Variants in RTN3 observed in about 807,000 individuals in gnomAD.
The protein encoded by RTN3 is reticulon 3, also known as reticulon-3.
RTN3 carries 49 observed loss-of-function variants against 77.8 expected under a neutral mutation model. The ratio of observed to expected loss-of-function variants is 0.63; its 90% CI spans 0.50 to 0.80. The LOEUF is 0.80. RTN3 is among the 30% of genes least tolerant of loss of function. RTN3 has a pLI of 0.00. For missense variants in RTN3, 1,236 were observed against 1,211.9 expected (o/e 1.02, Z -0.29); for synonymous variants, 464 against 446.9 (o/e 1.04, Z -0.48).
intron 1 of RTN3, among the ~76,000 whole-genome samples, chr11:63,702,186 A>G (rs1048649638): frequency 1.3e-5 from 2 of 152,050 alleles, no homozygotes; most frequent in African/African-American, 4.8e-5. Flanking sequence ...TTTAGGGACA[A>G]TTTTGGAGGG....
intron 2 of RTN3, chr11:63,714,412 A>C: frequency 6.5e-6 from 1 of 153,346 alleles, no homozygotes. Context: ...AAGTTATAAT[A>C]TTTTTATTAG....
intron 3 of RTN3, among the ~76,000 whole-genome samples, chr11:63,734,155 G>A (rs1362519475): frequency 6.6e-6 from 1 of 152,006 alleles, no homozygotes; most frequent in African/African-American, 2.4e-5. Context: ...CTGAAGATTG[G>A]GTACAATGTT....
intron 3 of RTN3, among the ~76,000 whole-genome samples, chr11:63,742,146 A>AT (rs1480138260): frequency 6.6e-6 from 1 of 150,714 alleles, no homozygotes; most frequent in Non-Finnish European, 1.5e-5. Flanking sequence ...CACCCGGCTA[A>AT]TTTTTTGTAT....
At position 63,735,602 on chromosome 11, in the gene RTN3, T is replaced by TC. The variant is rs1555078117; in HGVS notation, c.2531-14389_2531-14388insC. Among the ~76,000 whole-genome samples the TC allele has an allele frequency of 5.0e-3, 125 of 24,938 alleles. 1 individual carries two copies. The highest frequency in any genetic ancestry group is 0.018 in the Middle Eastern group (1 of 56). The allele number at this position is 24,938 out of a possible 152,430, so 16.4% of individuals were successfully genotyped here. A position where few individuals can be genotyped will look rare whatever the true frequency, so the allele number is the denominator to read the frequency against. ...TCTCTCTCTCTCTCTCTCTCTCTCT[T>TC]TCTTTCAACCCCTGTTTCCTGGGCT... On this transcript the variant is annotated intron_variant, in intron 3 of 8. Transcript: ENST00000377819.
At chr11:63,755,952 G>A (rs1276498911) in intron 7 of RTN3, among the ~76,000 whole-genome samples, 160 bp from the exon 8 acceptor site, 3 of 149,512 alleles carry the variant, frequency 2.0e-5, no homozygotes, top group Admixed American at 6.7e-5. Flanking sequence ...GCGAGGCTCC[G>A]TCTCAAAAAA....
At chr11:63,730,028 G>A (rs575876178) in intron 3 of RTN3, among the ~76,000 whole-genome samples, 4 of 152,136 alleles carry the variant, frequency 2.6e-5, no homozygotes, top group Non-Finnish European at 5.9e-5. Context: ...GTGCAGTGGC[G>A]TGATCTCAGC....
intron 1 of RTN3, among the ~76,000 whole-genome samples, chr11:63,686,833 A>G (rs1941401609): frequency 6.6e-6 from 1 of 152,206 alleles, no homozygotes; most frequent in Non-Finnish European, 1.5e-5. Context: ...CTTGTCTTAA[A>G]AAAAAGAAAA....
At chr11:63,702,527 G>A (rs574310136) in intron 1 of RTN3, among the ~76,000 whole-genome samples, 1 of 151,682 alleles carries the variant, frequency 6.6e-6, no homozygotes, top group South Asian at 2.1e-4. Flanking sequence ...TGTTGGCCAG[G>A]CTGGTCTTGA....
intron 2 of RTN3, among the ~76,000 whole-genome samples, chr11:63,712,177 A>G (rs941537041): frequency 1.3e-5 from 2 of 152,212 alleles, no homozygotes; most frequent in South Asian, 2.1e-4. Context: ...AAAGCTCTAC[A>G]TGAGGATTTT....
chr11:63,720,466 T>C lies in RTN3; in HGVS notation c.1964T>C (p.Ile655Thr), dbSNP rs755475630. The change falls in exon 3 of 9, where the codon ATA (isoleucine) becomes ACA (threonine). Residue 655 changes from isoleucine (I) to threonine (T), a missense_variant. Ile to Thr is a moderately conservative substitution (Grantham distance 89). Around this residue, in one of 3 missense-constraint regions of RTN3, gnomAD observed 1,056 missense variants for 990.4 expected, o/e 1.07. Transcript: ENST00000377819. ...HIDDSSPEDL[I>T]AAFTETRDKG... Reference sequence around the variant, plus strand: ...GATGATTCCTCCCCAGAGGACCTGATAGCAGCCTTTACAGAAACCAGAGAT... The same window carrying C: ...GATGATTCCTCCCCAGAGGACCTGACAGCAGCCTTTACAGAAACCAGAGAT... The C allele has an allele frequency of 9.9e-6, 16 of 1,613,336 alleles. No individual in the cohort carries two copies. The highest frequency in any genetic ancestry group is 1.2e-5 in the Non-Finnish European group (14 of 1,179,738).
intron 4 of RTN3, among the ~76,000 whole-genome samples, chr11:63,750,979 G>A (rs1012226053): frequency 4.6e-5 from 7 of 152,060 alleles, no homozygotes; most frequent in Non-Finnish European, 8.8e-5. Flanking sequence ...TGATCCACCC[G>A]CCTCTGCCTC....
In RTN3 at chr11:63,720,635, T is replaced by C; in HGVS notation, c.2133T>C (p.Ser711=). Residue 711 remains serine, a synonymous_variant, in exon 3 of 9, where the codon AGT becomes AGC. Transcript: ENST00000377819. ...SEIKDIGSKY[S]EQSKETNGSE... Reference sequence around the variant, plus strand: ...TTAAAGACATTGGAAGCAAATACAGTGAACAAAGCAAAGAAACAAATGGAA... The same window carrying C: ...TTAAAGACATTGGAAGCAAATACAGCGAACAAAGCAAAGAAACAAATGGAA... The C allele has an allele frequency of 6.2e-7, 1 of 1,613,820 alleles. No homozygotes were observed. Among genetic ancestry groups the C allele is most frequent in the South Asian group, 1.1e-5 (1 of 91,032 alleles).
At chr11:63,734,052 G>A (rs747547262) in intron 3 of RTN3, among the ~76,000 whole-genome samples, 31 of 152,050 alleles carry the variant, frequency 2.0e-4, no homozygotes, top group Non-Finnish European at 4.3e-4. Flanking sequence ...TACAAACAAG[G>A]AATAGAAGGT....
Position 63,719,211 on chromosome 11 carries a change from G to C in RTN3, c.709G>C (p.Asp237His), listed in dbSNP as rs748599272. Reference protein sequence around the residue: ...SLSPSKVSGDDVIEKDSPESP... With the variant: ...SLSPSKVSGDHVIEKDSPESP... Reference sequence around the variant, plus strand: ...GTCTCCATCCAAAGTTTCAGGAGATGATGTTATTGAAAAGGATTCCCCTGA... The same window carrying C: ...GTCTCCATCCAAAGTTTCAGGAGATCATGTTATTGAAAAGGATTCCCCTGA... The change falls in exon 3 of 9, where the codon GAT becomes CAT. Residue 237 changes from aspartate to histidine, a missense_variant. This residue lies in a region of RTN3 where 1,056 missense variants were observed against 990.4 expected (regional missense o/e 1.07). Transcript: ENST00000377819. The C allele has an allele frequency of 1.2e-6, 2 of 1,614,148 alleles. No homozygotes were observed. Among genetic ancestry groups the C allele is most frequent in the Middle Eastern group, 1.6e-4 (1 of 6,062 alleles).
chr11:63,732,119 T>G (rs1246030668), intron 3 of RTN3, among the ~76,000 whole-genome samples: 1 of 151,986 alleles, frequency 6.6e-6, no homozygotes, highest in African/African-American at 2.4e-5. Context: ...TAGAAAAAAT[T>G]AACAAAGCCA....
At chr11:63,695,997 T>C (rs1941918886) in intron 1 of RTN3, among the ~76,000 whole-genome samples, 1 of 152,112 alleles carries the variant, frequency 6.6e-6, no homozygotes, top group African/African-American at 2.4e-5. Context: ...TGTCAATAAA[T>C]TCCCATCTAC....
intron 3 of RTN3, among the ~76,000 whole-genome samples, chr11:63,726,237 C>G (rs2012252551): frequency 6.6e-6 from 1 of 152,204 alleles, no homozygotes; most frequent in South Asian, 2.1e-4. Flanking sequence ...TGAACGGGAG[C>G]AGTCAGATTC....
chr11:63,756,242 C>A, intron 8 of RTN3, 72 bp downstream of exon 8: 2 of 1,004,326 alleles, frequency 2.0e-6, no homozygotes, highest in Non-Finnish European at 3.1e-6. Context: ...GTCCCTTGTA[C>A]AAAATGCAGA....
intron 1 of RTN3, among the ~76,000 whole-genome samples, chr11:63,693,040 G>GCT (rs1941748483): frequency 6.6e-6 from 1 of 152,130 alleles, no homozygotes; most frequent in South Asian, 2.1e-4. Context: ...TTCTCGATGT[G>GCT]CTGGGATTAC....
Sources: gnomAD v4.1 joint callset for allele counts (sites outside exome capture counted in the v4.1 genomes callset) on GRCh38, gnomAD v4.1.1 for gene constraint, gnomAD v4.1.1 regional missense constraint, MANE v1.5 for transcripts, NCBI Gene and HGNC (gene_info 2026-07-23, HGNC 2026-07-21) for gene names.